The following POR variants were observed in gnomAD, a reference collection of about 807,000 sequenced individuals.
The protein encoded by POR is cytochrome p450 oxidoreductase, also known as NADPH--cytochrome P450 reductase.
A neutral mutation model predicts 84.0 loss-of-function variants in POR; 56 were observed. The observed-to-expected ratio is 0.67, with a 90% confidence interval of 0.54 to 0.83. The LOEUF (loss-of-function observed/expected upper bound fraction) is 0.83, where lower values mean the gene tolerates loss of function less well. Ranked by LOEUF, POR falls within the 40% of genes least tolerant of loss-of-function variation. The pLI, the probability that POR is intolerant of heterozygous loss-of-function variation, is 0.00. For synonymous variants in POR, 414 were observed against 400.5 expected (o/e 1.03, Z -0.40); for missense variants, 938 against 944.3 (o/e 0.99, Z 0.09).
intron 1 of POR, among the ~76,000 whole-genome samples, chr7:75,922,460 A>C (rs1806926791): frequency 6.6e-6 from 1 of 151,946 alleles, no homozygotes; most frequent in Admixed American, 6.6e-5. Context: ...AGTAGCTGGA[A>C]TTATAGGTGT....
intron 3 of POR, among the ~76,000 whole-genome samples, chr7:75,975,675 A>G (rs1378731490): frequency 2.6e-5 from 4 of 152,170 alleles, no homozygotes; most frequent in South Asian, 4.1e-4. Flanking sequence ...ACTGGGCGCA[A>G]CGTGTTCAAG....
At chr7:75,927,012 C>T (rs1807164171) in intron 1 of POR, among the ~76,000 whole-genome samples, 1 of 152,078 alleles carries the variant, frequency 6.6e-6, no homozygotes, top group South Asian at 2.1e-4. Context: ...GCTGCGTCTA[C>T]CTGTAACTTT....
intron 1 of POR, among the ~76,000 whole-genome samples, chr7:75,949,137 T>TTTG (rs147245532): frequency 0.033 from 5,031 of 151,224 alleles, 208 homozygotes; most frequent in African/African-American, 0.1. Flanking sequence ...ACTTCAGGGC[T>TTTG]TTGTTGTTGT....
In POR at chr7:75,985,623, C is replaced by A. The variant is rs373613946; in HGVS notation, c.1443C>A (p.Tyr481Ter). The A allele has an allele frequency of 1.6e-5, 26 of 1,588,294 alleles. No individual in the cohort carries two copies. The highest frequency in any genetic ancestry group is 2.0e-5 in the Non-Finnish European group (23 of 1,166,644). Residue 481 changes from tyrosine (Y) to a stop codon, truncating the protein, a stop_gained, in exon 13 of 16, where the codon TAC (tyrosine) becomes TAA (stop). Transcript: ENST00000461988. LOFTEE classifies it high-confidence loss of function. The stretch of plus-strand genomic sequence containing the variant: ...ACATCTGTGCGGTGGTTGTGGAGTA[C>A]GAGACCAAGGCTGGCCGCATCAACA...
Position 75,986,760 on chromosome 7 carries a change from C to G in POR, c.*279C>G, listed in dbSNP as rs1350127721. 3 of 587,008 alleles carry G rather than the reference C, an allele frequency of 5.1e-6. No individual in the cohort carries two copies. The highest frequency in any genetic ancestry group is 9.1e-6 in the Non-Finnish European group (3 of 331,422). The allele number at this position is 587,008 out of a possible 1,614,324, so 36.4% of individuals were successfully genotyped here. ...GGCTGCACAGAAGGGCTCTTTCTCTCTGCTGAGCTGGGCCCAGCCCCTCCA... is the reference window on the plus strand; with the variant it reads ...GGCTGCACAGAAGGGCTCTTTCTCTGTGCTGAGCTGGGCCCAGCCCCTCCA... On this transcript the variant is annotated 3_prime_UTR_variant, in exon 16 of 16. Coordinates refer to ENST00000461988, the MANE Select transcript of POR (RefSeq NM_000941.3).
At chr7:75,980,736 G>C in intron 5 of POR, 1 of 1,493,722 alleles carries the variant, frequency 6.7e-7, no homozygotes, top group Non-Finnish European at 8.9e-7. Context: ...AGAAAGGTCT[G>C]GCTGGACGAC....
intron 1 of POR, among the ~76,000 whole-genome samples, chr7:75,916,621 A>G (rs1198042732): frequency 6.6e-6 from 1 of 152,180 alleles, no homozygotes; most frequent in Non-Finnish European, 1.5e-5. Flanking sequence ...TATTTGTACA[A>G]CATCCGCATT....
intron 1 of POR, among the ~76,000 whole-genome samples, chr7:75,917,839 C>T (rs558647926): frequency 6.6e-6 from 1 of 152,090 alleles, no homozygotes; most frequent in Non-Finnish European, 1.5e-5. Flanking sequence ...ACACAGCCTC[C>T]CAGGTGGCTA....
intron 1 of POR, among the ~76,000 whole-genome samples, chr7:75,947,499 T>C (rs1260075985): frequency 6.6e-6 from 1 of 152,158 alleles, no homozygotes; most frequent in Admixed American, 6.6e-5. Flanking sequence ...TTCACCATGT[T>C]GGCCAGGCTG....
chr7:75,977,593 T>C (rs1279420072), intron 3 of POR, among the ~76,000 whole-genome samples: 1 of 152,098 alleles, frequency 6.6e-6, no homozygotes, highest in African/African-American at 2.4e-5. Context: ...CTGGCCAACG[T>C]GTTGAAACCC....
Position 75,986,402 on chromosome 7 carries a change from C to T in POR, c.1964C>T (p.Ala655Val), listed in dbSNP as rs782203298. 1 of 1,612,558 alleles carries T rather than the reference C, an allele frequency of 6.2e-7. No homozygotes were observed. ...TACGACATCGTGGCTGAGCTCGGGG[C>T]CATGGAGCACGCGCAGGCGGTGGAC... The change falls in exon 16 of 16, where the codon GCC becomes GTC. Residue 655 changes from alanine to valine, a missense_variant. Physicochemically the swap from Ala to Val is moderately conservative, Grantham distance 64 (BLOSUM62 0). Transcript: ENST00000461988.
At chr7:75,954,316 C>T (rs962814288) in intron 2 of POR, 136 bp downstream of exon 2, 34 of 895,456 alleles carry the variant, frequency 3.8e-5, no homozygotes, top group African/African-American at 5.1e-5. Context: ...GTTTTGCCTT[C>T]TTGCTAGATT....
chr7:75,953,518 G>C (rs1480169834), intron 1 of POR, among the ~76,000 whole-genome samples: 9 of 152,116 alleles, frequency 5.9e-5, no homozygotes, highest in African/African-American at 1.7e-4. Flanking sequence ...GCCACTCAAG[G>C]GCCAGGCCTG....
chr7:75,935,894 G>A (rs1807652672), intron 1 of POR, among the ~76,000 whole-genome samples: 1 of 151,564 alleles, frequency 6.6e-6, no homozygotes, highest in South Asian at 2.1e-4. Flanking sequence ...CGCATTCTAT[G>A]TTCAGACTCC....
chr7:75,923,364 A>G, intron 1 of POR: 1 of 796,368 alleles, frequency 1.3e-6, no homozygotes, highest in Non-Finnish European at 2.2e-6. Context: ...TACCAAAAAT[A>G]GTGGACTTTC....
At chr7:75,927,833 G>A (rs1807210303) in intron 1 of POR, among the ~76,000 whole-genome samples, 2 of 151,446 alleles carry the variant, frequency 1.3e-5, no homozygotes, top group African/African-American at 4.9e-5. Context: ...ACCACACCCA[G>A]CTAATTTTTG....
At chr7:75,922,670 G>A in intron 1 of POR, 2 of 266,748 alleles carry the variant, frequency 7.5e-6, no homozygotes, top group South Asian at 8.9e-5. Flanking sequence ...AGGAACTTTT[G>A]GTAGGACTTT....
intron 1 of POR, among the ~76,000 whole-genome samples, chr7:75,941,119 T>C (rs1269324861): frequency 6.6e-6 from 1 of 152,108 alleles, no homozygotes; most frequent in Non-Finnish European, 1.5e-5. Flanking sequence ...CAGTGAACTA[T>C]GCTACTGCTT....
intron 1 of POR, among the ~76,000 whole-genome samples, chr7:75,931,178 A>G (rs1475763921): frequency 6.6e-6 from 1 of 152,050 alleles, no homozygotes; most frequent in African/African-American, 2.4e-5. Flanking sequence ...TCCATCACCC[A>G]TTGAATGGAT....
Sources: allele counts gnomAD v4.1 joint callset (sites outside exome capture counted in the v4.1 genomes callset), GRCh38; gene constraint gnomAD v4.1.1; transcripts MANE v1.5; gene names NCBI Gene and HGNC (gene_info 2026-07-23, HGNC 2026-07-21).